Variants in TENM2 observed in about 807,000 individuals in gnomAD.
TENM2 encodes teneurin transmembrane protein 2.
In TENM2, 52 loss-of-function variants were observed where a neutral mutation model predicts 245.2. The ratio of observed to expected loss-of-function variants is 0.21; its 90% confidence interval spans 0.17 to 0.27. The LOEUF (loss-of-function observed/expected upper bound fraction) is 0.27, where lower values mean the gene tolerates loss of function less well. Ranked by LOEUF, TENM2 falls within the 10% of genes least tolerant of loss-of-function variation. The pLI is 1.00. For missense variants in TENM2, 3,046 were observed against 3,666.8 expected (o/e 0.83, Z 4.37); for synonymous variants, 1,363 against 1,438.9 (o/e 0.95, Z 1.19).
the TENM2 span, among the ~76,000 whole-genome samples, chr5:167,080,889 C>A: frequency 6.6e-6 from 1 of 151,756 alleles, no homozygotes; most frequent in African/African-American, 2.4e-5. Context: ...TATAAAAGGG[C>A]AAAAAGGACA....
At chr5:167,336,967 A>T (rs1581776374) in intron 1 of TENM2, among the ~76,000 whole-genome samples, 1 of 150,402 alleles carries the variant, frequency 6.6e-6, no homozygotes, top group Admixed American at 6.6e-5. Context: ...AATACAAAAA[A>T]TTAGCCGGGC....
chr5:167,867,027 C>T (rs1772382743), intron 2 of TENM2, among the ~76,000 whole-genome samples: 1 of 152,208 alleles, frequency 6.6e-6, no homozygotes, highest in Non-Finnish European at 1.5e-5. Context: ...ACATGACCAA[C>T]ATAATGTTTT....
chr5:167,252,401 G>T, the TENM2 span, among the ~76,000 whole-genome samples: 6 of 152,170 alleles, frequency 3.9e-5, no homozygotes, highest in African/African-American at 9.6e-5. Flanking sequence ...ATCAGTCATT[G>T]TAGTAAGTAG....
At chr5:167,898,241 T>C (rs562273947) in intron 3 of TENM2, among the ~76,000 whole-genome samples, 1 of 152,262 alleles carries the variant, frequency 6.6e-6, no homozygotes, top group Non-Finnish European at 1.5e-5. Flanking sequence ...GGAAACTAGT[T>C]AGAAATGCAA....
chr5:167,203,608 G>A, the TENM2 span, among the ~76,000 whole-genome samples: 1 of 152,120 alleles, frequency 6.6e-6, no homozygotes, highest in South Asian at 2.1e-4. Flanking sequence ...TTTTAAGAAG[G>A]TGAACAATAG....
intron 2 of TENM2, among the ~76,000 whole-genome samples, chr5:167,720,737 A>G (rs1242968221): frequency 2.6e-5 from 4 of 152,248 alleles, no homozygotes; most frequent in Non-Finnish European, 4.4e-5. Context: ...ATGCGAGACC[A>G]TAATTTAAAT....
chr5:167,515,610 T>TATATATATAC lies in TENM2; in HGVS notation c.502+140156_502+140165dup, dbSNP rs1238992612. 5.3e-5 allele frequency among the ~76,000 whole-genome samples: 6 copies of TATATATATAC among 113,366 alleles called. 1 individual carries two copies. Among genetic ancestry groups the TATATATATAC allele is most frequent in the Non-Finnish European group, 1.1e-4 (6 of 55,094 alleles). The allele number at this position is 113,366 out of a possible 152,430, so 74.4% of individuals were successfully genotyped here. A position where few individuals can be genotyped will look rare whatever the true frequency, so the allele number is the denominator to read the frequency against. On this transcript the variant is annotated intron_variant, in intron 2 of 28. Coordinates refer to ENST00000518659, the Ensembl canonical transcript of TENM2. ...GAGAAGATAGTGAATCATAGGGCAA[T>TATATATATAC]ATATATATACATATATATACATATA...
chr5:167,421,716 A>G (rs1359343647), intron 2 of TENM2, among the ~76,000 whole-genome samples: 3 of 152,210 alleles, frequency 2.0e-5, no homozygotes, highest in African/African-American at 7.2e-5. Context: ...CATCTACTAC[A>G]TAAGATTCTT....
At chr5:168,057,861 G>A (rs951422150) in intron 6 of TENM2, among the ~76,000 whole-genome samples, 2 of 152,142 alleles carry the variant, frequency 1.3e-5, no homozygotes, top group African/African-American at 4.8e-5. Flanking sequence ...GAGTCGGTGG[G>A]AGAGTGGTGG....
At chr5:167,610,932 A>T (rs1777438117) in intron 2 of TENM2, among the ~76,000 whole-genome samples, 2 of 152,166 alleles carry the variant, frequency 1.3e-5, no homozygotes, top group African/African-American at 4.8e-5. Flanking sequence ...TTCATTCGTC[A>T]AATTTTATTA....
chr5:167,240,704 G>A, the TENM2 span, among the ~76,000 whole-genome samples: 1 of 152,198 alleles, frequency 6.6e-6, no homozygotes, highest in Non-Finnish European at 1.5e-5. Context: ...CTTTGGCAGT[G>A]CATGAAATAG....
the TENM2 span, among the ~76,000 whole-genome samples, chr5:167,279,110 A>G: frequency 6.6e-6 from 1 of 152,146 alleles, no homozygotes; most frequent in Non-Finnish European, 1.5e-5. Context: ...CTACTTTCTA[A>G]TGACCTCCAT....
chr5:168,134,513 C>T (rs1754872168), intron 12 of TENM2, among the ~76,000 whole-genome samples: 1 of 152,074 alleles, frequency 6.6e-6, no homozygotes, highest in Non-Finnish European at 1.5e-5. Context: ...TAGTGAAACC[C>T]CATCTCTACT....
Position 168,234,271 on chromosome 5 carries a change from A to G in TENM2, c.5520+6141A>G, listed in dbSNP as rs183288943. 2.5e-3 allele frequency among the ~76,000 whole-genome samples: 381 copies of G among 152,284 alleles called. 9 individuals carry two copies. The highest frequency in any genetic ancestry group is 0.023 in the Admixed American group (356 of 15,300). ...CCCCAGCATTTCTATTTTTCATAAA[A>G]TATCTCATGGAAGAAAGATTGACCT... is the stretch of plus-strand genomic sequence containing the variant. On this transcript the variant is annotated intron_variant, in intron 25 of 28. Coordinates refer to ENST00000518659, the Ensembl canonical transcript of TENM2.
intron 2 of TENM2, among the ~76,000 whole-genome samples, chr5:167,788,993 A>G (rs1764765720): frequency 6.6e-6 from 1 of 152,060 alleles, no homozygotes; most frequent in African/African-American, 2.4e-5. Context: ...CTGCAGCTCT[A>G]CCCCACTAGA....
intron 2 of TENM2, among the ~76,000 whole-genome samples, chr5:167,845,323 C>T (rs13360795): frequency 0.026 from 3,629 of 141,110 alleles, 168 homozygotes; most frequent in African/African-American, 0.088. Context: ...CAGGCCATTA[C>T]TGCAGTCTTG....
intron 2 of TENM2, among the ~76,000 whole-genome samples, chr5:167,598,281 G>A (rs952629662): frequency 6.6e-5 from 10 of 152,176 alleles, no homozygotes; most frequent in Non-Finnish European, 7.4e-5. Context: ...ATAAAGGATT[G>A]AAGGGATAGT....
chr5:167,813,667 A>G (rs1766814854), intron 2 of TENM2, among the ~76,000 whole-genome samples: 1 of 152,086 alleles, frequency 6.6e-6, no homozygotes, highest in Non-Finnish European at 1.5e-5. Flanking sequence ...CTGAGCAATC[A>G]CAGTTCCAAC....
chr5:167,862,361 G>T (rs1163627652), intron 2 of TENM2, among the ~76,000 whole-genome samples: 1 of 152,052 alleles, frequency 6.6e-6, no homozygotes, highest in Non-Finnish European at 1.5e-5. Context: ...CATACCACTA[G>T]GCTCCGTGAG....
Sources: gnomAD v4.1 joint callset for allele counts (sites outside exome capture counted in the v4.1 genomes callset) on GRCh38, gnomAD v4.1.1 for gene constraint, MANE v1.5 for transcripts, NCBI Gene and HGNC (gene_info 2026-07-23, HGNC 2026-07-21) for gene names.